Variants in KALRN observed in about 807,000 individuals in gnomAD.
KALRN encodes the protein kalirin.
Under a neutral mutation model 353.7 loss-of-function variants are expected in KALRN, and 70 were observed. The observed-to-expected ratio is 0.20, with a 90% CI of 0.16 to 0.24. The LOEUF (loss-of-function observed/expected upper bound fraction) is 0.24. KALRN is among the 10% of genes least tolerant of loss of function. The probability of loss-of-function intolerance (pLI) is 1.00; values close to 1 mark genes in which losing one functional copy is unlikely to be tolerated. For synonymous variants in KALRN, 1,391 were observed against 1,434.8 expected, an observed-to-expected ratio of 0.97 and a Z score of 0.69; for missense variants, 2,791 against 3,756.7, an observed-to-expected ratio of 0.74 and a Z score of 6.72.
chr3:124,355,921 G>A (rs11712927), intron 10 of KALRN, among the ~76,000 whole-genome samples: 29,316 of 151,604 alleles, frequency 0.19, 2,948 homozygotes, highest in Middle Eastern at 0.23. Flanking sequence ...CACCATGTTG[G>A]CCAGGCTGGT....
Position 124,666,449 on chromosome 3 carries a change from G to A in KALRN, c.6346G>A (p.Gly2116Ser). The part of the protein sequence containing the change: ...MNLGRLQGFE[G>S]TLTAQGKLLQ... Reference sequence around the variant, plus strand: ...TCACCCCAGCCCGTCTTTCCTTCAGGGCACTCTGACTGCTCAGGGGAAGCT... The same window carrying A: ...TCACCCCAGCCCGTCTTTCCTTCAGAGCACTCTGACTGCTCAGGGGAAGCT... Residue 2116 changes from glycine (G) to serine (S), a missense_variant and splice_region_variant, in exon 46 of 60, where the codon GGC becomes AGC. Gly to Ser is a moderately conservative substitution (Grantham distance 56, BLOSUM62 0). Around this residue, in one of 11 missense-constraint regions of KALRN, gnomAD observed 1,065 missense variants for 1,156.4 expected, o/e 0.92. Coordinates refer to ENST00000682506, the MANE Select transcript of KALRN (RefSeq NM_001388419.1). The A allele has an allele frequency of 6.2e-7, 1 of 1,613,712 alleles. No individual in the cohort carries two copies. Among genetic ancestry groups the A allele is most frequent in the Non-Finnish European group, 8.5e-7 (1 of 1,179,772 alleles).
At chr3:124,295,079 A>G (rs1265200043) in intron 5 of KALRN, among the ~76,000 whole-genome samples, 1 of 152,218 alleles carries the variant, frequency 6.6e-6, no homozygotes, top group Non-Finnish European at 1.5e-5. Flanking sequence ...GTTCCACTGA[A>G]TGTAACAGAG....
chr3:124,653,538 A>G (rs2083644922), intron 38 of KALRN, among the ~76,000 whole-genome samples: 2 of 152,226 alleles, frequency 1.3e-5, no homozygotes, highest in African/African-American at 2.4e-5. Flanking sequence ...AGTGTAAGGG[A>G]GATCCAGAGA....
intron 10 of KALRN, among the ~76,000 whole-genome samples, chr3:124,366,888 C>A (rs2084823683): frequency 7.9e-6 from 1 of 127,346 alleles, no homozygotes. Flanking sequence ...GGGGGCTGAC[C>A]CCCCCACCTC....
chr3:124,692,242 G>T (rs1414899167), intron 51 of KALRN, among the ~76,000 whole-genome samples: 2 of 152,220 alleles, frequency 1.3e-5, no homozygotes, highest in Non-Finnish European at 2.9e-5. Context: ...GGTGTAAGTG[G>T]TCTTTTGAGA....
At chr3:124,378,313 G>GTA (rs2086863003) in intron 10 of KALRN, among the ~76,000 whole-genome samples, 1 of 151,984 alleles carries the variant, frequency 6.6e-6, no homozygotes. Flanking sequence ...CCTTACAATA[G>GTA]TATACTTCCA....
At chr3:124,277,994 C>CTGTGTGTGTGTG (rs1437193234) in intron 5 of KALRN, among the ~76,000 whole-genome samples, 8 of 75,540 alleles carry the variant, frequency 1.1e-4, no homozygotes, top group Admixed American at 6.8e-4. Context: ...CAGAGATGAA[C>CTGTGTGTGTGTG]TATGTGTGTG....
chr3:124,368,878 GC>G (rs1198312114), intron 10 of KALRN, among the ~76,000 whole-genome samples: 2 of 152,244 alleles, frequency 1.3e-5, no homozygotes, highest in African/African-American at 4.8e-5. Flanking sequence ...GGCCAACACA[GC>G]GAAACCCCAT....
At chr3:124,344,896 C>A (rs2082119686) in intron 9 of KALRN, among the ~76,000 whole-genome samples, 1 of 152,108 alleles carries the variant, frequency 6.6e-6, no homozygotes, top group Non-Finnish European at 1.5e-5. Flanking sequence ...AAAAAGGAAA[C>A]AAATTGCGTT....
intron 33 of KALRN, among the ~76,000 whole-genome samples, chr3:124,517,381 G>A (rs1364973466): frequency 6.6e-6 from 1 of 152,088 alleles, no homozygotes; most frequent in Non-Finnish European, 1.5e-5. Flanking sequence ...GTTTCAGACT[G>A]TTTTTCTCAT....
chr3:124,615,251 C>G (rs890090617), intron 34 of KALRN, among the ~76,000 whole-genome samples: 2 of 152,116 alleles, frequency 1.3e-5, no homozygotes, highest in East Asian at 3.9e-4. Context: ...TAAATGTAAT[C>G]ATAAGGAAAT....
chr3:124,712,392 T>C (rs2062933143), intron 57 of KALRN, among the ~76,000 whole-genome samples: 1 of 152,188 alleles, frequency 6.6e-6, no homozygotes, highest in African/African-American at 2.4e-5. Flanking sequence ...TTTAACATTA[T>C]TGCTGTTTCT....
intron 6 of KALRN, among the ~76,000 whole-genome samples, chr3:124,304,566 G>C (rs1196650303): frequency 6.6e-6 from 1 of 152,174 alleles, no homozygotes; most frequent in East Asian, 1.9e-4. Flanking sequence ...CTGCAAACCT[G>C]TTATCCATTG....
chr3:124,239,733 G>A (rs1339937566), intron 3 of KALRN, among the ~76,000 whole-genome samples: 1 of 152,188 alleles, frequency 6.6e-6, no homozygotes, highest in Admixed American at 6.6e-5. Context: ...GAAAGAAGAG[G>A]GGTAAAAACT....
intron 37 of KALRN, among the ~76,000 whole-genome samples, chr3:124,645,655 T>TGTG (rs1195568277): frequency 3.6e-5 from 5 of 139,500 alleles, no homozygotes; most frequent in East Asian, 7.3e-4. Context: ...TCTCTCTCTC[T>TGTG]CTCTGTGCGT....
intron 21 of KALRN, among the ~76,000 whole-genome samples, chr3:124,448,144 T>A (rs2093900765): frequency 6.6e-6 from 1 of 152,202 alleles, no homozygotes; most frequent in Non-Finnish European, 1.5e-5. Flanking sequence ...CTTTCCATAA[T>A]CAAAGTGGAA....
In KALRN at chr3:124,495,963, A is replaced by ATATATATATATG. The variant is rs1561135731; in HGVS notation, c.4833-347_4833-346insATATATATATGT. Among the ~76,000 whole-genome samples, 227 of 26,180 alleles carry ATATATATATATG rather than the reference A, an allele frequency of 8.7e-3. 11 individuals are homozygous for ATATATATATATG. The highest frequency in any genetic ancestry group is 0.022 in the South Asian group (17 of 786). 17.2% of individuals were successfully genotyped at this position (26,180 alleles called of 152,430 possible). A position where few individuals can be genotyped will look rare whatever the true frequency, so the allele number is the denominator to read the frequency against. ...TTCCCAAGTGTGTGTATGTGTATGTATGTATATATATATATATATATATAT... is the reference window on the plus strand; with the variant it reads ...TTCCCAAGTGTGTGTATGTGTATGTATATATATATATGTGTATATATATATATATATATATAT... On this transcript the variant is annotated intron_variant, in intron 32 of 59. Transcript: ENST00000682506.
chr3:124,591,589 G>A (rs1209585820), intron 34 of KALRN, among the ~76,000 whole-genome samples: 1 of 152,204 alleles, frequency 6.6e-6, no homozygotes, highest in Admixed American at 6.5e-5. Context: ...GGACAAGAAG[G>A]AATCTAATGA....
At chr3:124,332,095 C>T (rs953653267) in intron 8 of KALRN, among the ~76,000 whole-genome samples, 16 of 152,138 alleles carry the variant, frequency 1.1e-4, no homozygotes, top group African/African-American at 3.4e-4. Flanking sequence ...GCTACTTCCC[C>T]CACCCCACTC....
Sources: gnomAD v4.1 joint callset for allele counts (sites outside exome capture counted in the v4.1 genomes callset) on GRCh38, gnomAD v4.1.1 for gene constraint, gnomAD v4.1.1 regional missense constraint, MANE v1.5 for transcripts, NCBI Gene and HGNC (gene_info 2026-07-23, HGNC 2026-07-21) for gene names.